ZNF202: variants seen among roughly 807,000 people sequenced by gnomAD.
The protein encoded by ZNF202 is zinc finger protein 202.
ZNF202 carries 22 observed loss-of-function variants against 54.5 expected under a neutral mutation model. That is an observed-to-expected ratio of 0.40 (90% CI 0.29 to 0.58). ZNF202 has a LOEUF of 0.58. Ranked by LOEUF, ZNF202 falls within the 20% of genes least tolerant of loss-of-function variation. The probability of loss-of-function intolerance (pLI) is 0.39; values close to 1 mark genes in which losing one functional copy is unlikely to be tolerated. For missense variants in ZNF202, 644 were observed against 805.5 expected, an observed-to-expected ratio of 0.80 and a Z score of 2.43; for synonymous variants, 294 against 301.4, an observed-to-expected ratio of 0.98 and a Z score of 0.26.
intron 8 of ZNF202, 78 bp downstream of exon 8, chr11:123,727,398 G>A (rs1861199166): frequency 6.3e-7 from 1 of 1,588,162 alleles, no homozygotes. Context: ...TGAGAGCGGG[G>A]CCCTACAGAG....
rs1031574481 is a variant in ZNF202 at position 123,727,104 on chromosome 11, T to C, written c.953-113A>G. The C allele has an allele frequency of 4.2e-5, 55 of 1,307,438 alleles. No homozygotes were observed. In the Admixed American group the frequency reaches 1.2e-3, roughly 29 times the overall value. 81.0% of individuals were successfully genotyped at this position (1,307,438 alleles called of 1,614,324 possible). A position where few individuals can be genotyped will look rare whatever the true frequency, so the allele number is the denominator to read the frequency against. ...AGATGGCAAGACTAAATAGAATGCC[T>C]GTCCTGTGCCAAGCACTTTCTCATA... On this transcript the variant is annotated intron_variant, in intron 8 of 8. Transcript: ENST00000530393.
At position 123,730,644 on chromosome 11, in the gene ZNF202, T is replaced by A; in HGVS notation, c.245A>T (p.Lys82Met). ...HQWLRPERRTKEQILELLVLE... is the reference protein window; with the variant it reads ...HQWLRPERRTMEQILELLVLE... ...CACAAGCAGCTCTAGGATCTGCTCC[T>A]TTGTCCGCCTCTCTGGTCTCAGCCA... The change falls in exon 4 of 9, where the codon AAG (lysine) becomes ATG (methionine). Residue 82 changes from lysine to methionine, a missense_variant. Lys to Met is a moderately conservative substitution (Grantham distance 95, BLOSUM62 -1). Around this residue, in one of 3 missense-constraint regions of ZNF202, gnomAD observed 62 missense variants for 122.8 expected, o/e 0.50. Transcript: ENST00000530393. This position sits in a 1 kb window ranked among gnomAD's most constrained non-coding sequence, Gnocchi z 6.0. 1 of 1,613,826 alleles carries A rather than the reference T, an allele frequency of 6.2e-7. No homozygotes were observed. The highest frequency in any genetic ancestry group is 8.5e-7 in the Non-Finnish European group (1 of 1,179,790).
At chr11:123,737,969 G>GA (rs750575269) in intron 3 of ZNF202, among the ~76,000 whole-genome samples, 18 of 152,198 alleles carry the variant, frequency 1.2e-4, no homozygotes, top group Non-Finnish European at 2.6e-4. Context: ...AACAGCCTAG[G>GA]ATGCTGAGAT....
At chr11:123,727,405 A>G in intron 8 of ZNF202, 71 bp downstream of exon 8, 3 of 1,586,472 alleles carry the variant, frequency 1.9e-6, no homozygotes, top group Non-Finnish European at 1.7e-6. Context: ...GGGGCCCTAC[A>G]GAGAGAGAGA....
At chr11:123,731,954 C>T (rs990677664) in intron 3 of ZNF202, among the ~76,000 whole-genome samples, 17 of 152,296 alleles carry the variant, frequency 1.1e-4, no homozygotes, top group African/African-American at 3.9e-4. Flanking sequence ...CTACCTTTTC[C>T]CTGTATCACC....
intron 3 of ZNF202, among the ~76,000 whole-genome samples, chr11:123,737,757 G>A (rs570095232): frequency 4.6e-5 from 7 of 152,196 alleles, no homozygotes; most frequent in South Asian, 2.1e-4. Context: ...TGCCTTCGGC[G>A]GAGGGTGACC....
At chr11:123,734,688 G>T (rs1322612845) in intron 3 of ZNF202, among the ~76,000 whole-genome samples, 2 of 152,146 alleles carry the variant, frequency 1.3e-5, no homozygotes, top group Non-Finnish European at 2.9e-5. Context: ...CTGAGGGCAG[G>T]GATATGCTGT....
chr11:123,727,025 T>C, intron 8 of ZNF202, 34 bp from the exon 9 acceptor site: 1 of 1,575,468 alleles, frequency 6.3e-7, no homozygotes, highest in Non-Finnish European at 8.6e-7. Context: ...AGGGGGTCAC[T>C]GTAGCGGCAA....
intron 3 of ZNF202, among the ~76,000 whole-genome samples, chr11:123,735,740 A>G (rs758509431): frequency 1.3e-5 from 2 of 152,226 alleles, no homozygotes; most frequent in Non-Finnish European, 2.9e-5. Context: ...GAGATATGAG[A>G]GCTTTATGAA....
intron 7 of ZNF202, 128 bp from the exon 8 acceptor site, chr11:123,727,723 C>T: frequency 7.7e-7 from 1 of 1,298,100 alleles, no homozygotes; most frequent in Non-Finnish European, 1.1e-6. Flanking sequence ...AATCTTTCAT[C>T]TCTTTAGTTT....
chr11:123,736,865 G>T (rs1285029517), intron 3 of ZNF202, among the ~76,000 whole-genome samples: 4 of 152,048 alleles, frequency 2.6e-5, no homozygotes, highest in Admixed American at 2.6e-4. Flanking sequence ...TCTGGCATAG[G>T]GTAGGTGCTC....
At chr11:123,735,134 C>T (rs1861577871) in intron 3 of ZNF202, among the ~76,000 whole-genome samples, 1 of 152,108 alleles carries the variant, frequency 6.6e-6, no homozygotes, top group East Asian at 1.9e-4. Context: ...TTTCCAAACC[C>T]CACCCCAACT....
At chr11:123,739,766 T>C (rs1861785675) in intron 3 of ZNF202, among the ~76,000 whole-genome samples, 1 of 152,184 alleles carries the variant, frequency 6.6e-6, no homozygotes, top group African/African-American at 2.4e-5. Flanking sequence ...ATATATCACA[T>C]TTGGCCAAAA....
intron 3 of ZNF202, among the ~76,000 whole-genome samples, chr11:123,738,203 G>T (rs918573938): frequency 6.6e-6 from 1 of 152,106 alleles, no homozygotes; most frequent in Non-Finnish European, 1.5e-5. Context: ...TAGAGAAGGG[G>T]TCTTGCCATG....
Position 123,736,013 on chromosome 11 carries a change from A to G in ZNF202, c.-98+4104T>C, listed in dbSNP as rs143567985. Among the ~76,000 whole-genome samples, 3 of 152,358 alleles carry G rather than the reference A, an allele frequency of 2.0e-5. No individual in the cohort carries two copies. The East Asian group carries it at 5.8e-4, about 29-fold the overall frequency. On this transcript the variant is annotated intron_variant, in intron 3 of 8. Coordinates refer to ENST00000530393, the MANE Select transcript of ZNF202 (RefSeq NM_003455.4). The stretch of plus-strand genomic sequence containing the variant: ...ACTTGGTTCCAGAAGACACTAAAAC[A>G]GTATCTGCAAAGATACAACCTAGTG...
intron 4 of ZNF202, 97 bp from the exon 5 acceptor site, chr11:123,729,922 C>T (rs1861331475): frequency 2.4e-6 from 3 of 1,265,330 alleles, no homozygotes; most frequent in South Asian, 1.5e-5. Context: ...AGAGAAAACA[C>T]TCCCAGAGGG....
rs771502877 is a variant in ZNF202 at position 123,726,982 on chromosome 11, C to A, written c.962G>T (p.Ser321Ile). 3.7e-6 allele frequency: 6 copies of A among 1,610,840 alleles called. No individual in the cohort carries two copies. Among genetic ancestry groups the A allele is most frequent in the Non-Finnish European group, 5.1e-6 (6 of 1,178,758 alleles). ...CTCCAGACACTCTTCCTCATCTTTA[C>A]TCCTATCTCCTGTAGAAAGGGTGAG... is the stretch of plus-strand genomic sequence containing the variant. ...ILSFTYTGDR[S>I]KDEEECLEQE... The change falls in exon 9 of 9, where the codon AGT becomes ATT. Residue 321 changes from serine (S) to isoleucine (I), a missense_variant. Coordinates refer to ENST00000530393, the MANE Select transcript of ZNF202 (RefSeq NM_003455.4). This position sits in a 1 kb window ranked among gnomAD's most constrained non-coding sequence, Gnocchi z 6.0.
chr11:123,729,218 T>C lies in ZNF202; in HGVS notation c.614-4A>G. 3 of 1,612,530 alleles carry C rather than the reference T, an allele frequency of 1.9e-6. No homozygotes were observed. The highest frequency in any genetic ancestry group is 1.1e-5 in the South Asian group (1 of 90,872). On this transcript the variant is annotated splice_polypyrimidine_tract_variant and splice_region_variant and intron_variant, in intron 5 of 8. Coordinates refer to ENST00000530393, the MANE Select transcript of ZNF202 (RefSeq NM_003455.4). ...GGGTCCTCGGGCACTGGGACCTCTA[T>C]GAAGAAAAGAAGGCAAAGATCAGTA...
At chr11:123,731,558 C>A (rs759393118) in intron 3 of ZNF202, among the ~76,000 whole-genome samples, 1 of 152,190 alleles carries the variant, frequency 6.6e-6, no homozygotes, top group East Asian at 1.9e-4. Flanking sequence ...AGGTTATGAG[C>A]GAAAGTTCTG....
Sources: allele counts gnomAD v4.1 joint callset (sites outside exome capture counted in the v4.1 genomes callset), GRCh38; gene constraint gnomAD v4.1.1; regional missense constraint gnomAD v4.1.1; non-coding constraint Gnocchi (gnomAD v3.1); transcripts MANE v1.5; gene names NCBI Gene and HGNC (gene_info 2026-07-23, HGNC 2026-07-21).